WDR88: variants seen among roughly 807,000 people sequenced by gnomAD.
WDR88 encodes WD repeat domain 88.
A neutral mutation model predicts 46.8 loss-of-function variants in WDR88; 40 were observed. The ratio of observed to expected loss-of-function variants is 0.86; its 90% CI spans 0.66 to 1.11. The LOEUF (loss-of-function observed/expected upper bound fraction) is 1.11, where lower values mean the gene tolerates loss of function less well. Ranked by LOEUF, WDR88 falls within the 50% of genes most tolerant of loss-of-function variation. The pLI, the probability that WDR88 is intolerant of heterozygous loss-of-function variation, is 0.00. For missense variants in WDR88, 562 were observed against 602.4 expected, an observed-to-expected ratio of 0.93 and a Z score of 0.70; for synonymous variants, 235 against 240.7, an observed-to-expected ratio of 0.98 and a Z score of 0.22.
In WDR88 at chr19:33,146,550, C is replaced by A. The variant is rs543761967; in HGVS notation, c.477-1095C>A. 3.5e-4 allele frequency among the ~76,000 whole-genome samples: 53 copies of A among 151,674 alleles called. No individual in the cohort carries two copies. In the East Asian group the frequency reaches 7.8e-3, roughly 22 times the overall value. On this transcript the variant is annotated intron_variant, in intron 3 of 10. Coordinates refer to ENST00000355868, the MANE Select transcript of WDR88 (RefSeq NM_173479.4). ...CCTTCTTTCCTTTTTTTTGATGGAG[C>A]CTCTCCTGCCCACGCTGGAGCGCAG...
chr19:33,156,849 C>T (rs1037609615), intron 7 of WDR88, among the ~76,000 whole-genome samples: 1 of 152,136 alleles, frequency 6.6e-6, no homozygotes, highest in East Asian at 1.9e-4. Context: ...GAACCCAACC[C>T]TTCCACTCTG....
intron 7 of WDR88, among the ~76,000 whole-genome samples, chr19:33,157,308 C>CCAACATGAATCACTTAGGGGG (rs1346526606): frequency 6.6e-6 from 1 of 151,416 alleles, no homozygotes; most frequent in Non-Finnish European, 1.5e-5. Flanking sequence ...ATCAGCCTGG[C>CCAACATGAATCACTTAGGGGG]CAACATGGTG....
chr19:33,132,199 A>G lies in WDR88; in HGVS notation c.30A>G (p.Thr10=), dbSNP rs1177485284. The G allele has an allele frequency of 2.5e-6, 4 of 1,605,202 alleles. No homozygotes were observed. The highest frequency in any genetic ancestry group is 3.4e-6 in the Non-Finnish European group (4 of 1,178,156). The part of the protein sequence containing the change: MASPPRCSP[T]AHDRECKLPP... ...CCTCCCCGCCGCGGTGCTCCCCGAC[A>G]GCCCATGACAGGGAATGCAAGTTGC... Residue 10 remains threonine (T), a synonymous_variant, in exon 1 of 11, where the codon ACA becomes ACG. Transcript: ENST00000355868.
intron 3 of WDR88, among the ~76,000 whole-genome samples, chr19:33,145,915 G>A (rs1973502964): frequency 6.6e-6 from 1 of 152,090 alleles, no homozygotes; most frequent in South Asian, 2.1e-4. Flanking sequence ...ATGTTTTTTT[G>A]TACAAGAAAA....
chr19:33,171,591 G>A (rs1457307829), intron 9 of WDR88, among the ~76,000 whole-genome samples: 4 of 152,058 alleles, frequency 2.6e-5, no homozygotes, highest in Non-Finnish European at 5.9e-5. Flanking sequence ...ATATCTTACA[G>A]TACTGTAAGA....
At chr19:33,175,261 A>G in intron 10 of WDR88, 135 bp from the exon 11 acceptor site, 1 of 1,016,208 alleles carries the variant, frequency 9.8e-7, no homozygotes, top group Admixed American at 2.5e-5. Flanking sequence ...ACAAACAAAC[A>G]AACCAAAAAG....
intron 10 of WDR88, chr19:33,174,208 G>A (rs971044660): frequency 6.5e-7 from 1 of 1,536,404 alleles, no homozygotes; most frequent in African/African-American, 1.4e-5. Context: ...ACCTGAAGCT[G>A]AAGCAAGGAT....
At chr19:33,133,031 C>A (rs1973163323) in intron 1 of WDR88, among the ~76,000 whole-genome samples, 2 of 151,822 alleles carry the variant, frequency 1.3e-5, no homozygotes, top group Non-Finnish European at 2.9e-5. Flanking sequence ...ATGGGGCGCA[C>A]CTGTGGTCCC....
intron 7 of WDR88, among the ~76,000 whole-genome samples, chr19:33,156,851 T>C (rs1010865146): frequency 1.4e-4 from 22 of 152,318 alleles, no homozygotes; most frequent in African/African-American, 5.3e-4. Context: ...ACCCAACCCT[T>C]CCACTCTGTC....
chr19:33,166,451 A>C (rs2145418403), intron 9 of WDR88, among the ~76,000 whole-genome samples: 1 of 148,564 alleles, frequency 6.7e-6, no homozygotes, highest in Middle Eastern at 3.9e-3. Flanking sequence ...GCATAGTGAT[A>C]TGAGCCTATA....
intron 10 of WDR88, among the ~76,000 whole-genome samples, chr19:33,173,142 T>C (rs1974067835): frequency 8.8e-6 from 1 of 113,668 alleles, no homozygotes; most frequent in Middle Eastern, 5.7e-3. Flanking sequence ...CTTCCCAGCA[T>C]AGAGAACAGC....
chr19:33,162,459 C>T (rs534207952), intron 8 of WDR88, among the ~76,000 whole-genome samples: 3 of 151,864 alleles, frequency 2.0e-5, no homozygotes, highest in South Asian at 4.2e-4. Flanking sequence ...GTGATCTATC[C>T]GCCTCGGCCT....
In WDR88 at chr19:33,156,499, G is replaced by A. The variant is rs758389986; in HGVS notation, c.954G>A (p.Gln318=). 57 of 1,613,954 alleles carry A rather than the reference G, an allele frequency of 3.5e-5. No homozygotes were observed. Among genetic ancestry groups the A allele is most frequent in the Non-Finnish European group, 4.7e-5 (56 of 1,180,004 alleles). ...RNCGACVTLM[Q]GHEGSVSSCH... is the part of the protein sequence containing the mutation. ...GTGGAGCCTGTGTGACTCTGATGCA[G>A]GGCCATGAAGGTTCTGTCAGTTCCT... The change falls in exon 7 of 11, where the codon CAG becomes CAA. Residue 318 remains glutamine, a synonymous_variant. Transcript: ENST00000355868.
intron 9 of WDR88, among the ~76,000 whole-genome samples, chr19:33,168,053 A>G: frequency 7.4e-6 from 1 of 135,908 alleles, no homozygotes; most frequent in African/African-American, 2.8e-5. Context: ...TTTGAGATGG[A>G]GTCTTGCTCT....
Position 33,137,706 on chromosome 19 carries a change from G to A in WDR88, c.306G>A (p.Glu102=), listed in dbSNP as rs140302466. Reference sequence around the variant, plus strand: ...CATTTAAAATTCTGAGTGGGCACGAGCACGCTGTGAGCACCTGCCACTTCT... The same window carrying A: ...CATTTAAAATTCTGAGTGGGCACGAACACGCTGTGAGCACCTGCCACTTCT... ...KIPFKILSGH[E]HAVSTCHFCV... The change falls in exon 2 of 11, where the codon GAG becomes GAA. Residue 102 remains glutamate (E), a synonymous_variant. Transcript: ENST00000355868. 1 of 1,613,990 alleles carries A rather than the reference G, an allele frequency of 6.2e-7. No homozygotes were observed.
Position 33,175,745 on chromosome 19 carries a change from T to C in WDR88, c.*173T>C. ...AGTGCCACCTCCTCAGCTCTCAGCT[T>C]GGGGAGTGAACACTTTCCGTTTTCA... On this transcript the variant is annotated 3_prime_UTR_variant, in exon 11 of 11. Coordinates refer to ENST00000355868, the MANE Select transcript of WDR88 (RefSeq NM_173479.4). 1 of 659,692 alleles carries C rather than the reference T, an allele frequency of 1.5e-6. No individual in the cohort carries two copies. Among genetic ancestry groups the C allele is most frequent in the Admixed American group, 3.0e-5 (1 of 33,806 alleles). The allele number at this position is 659,692 out of a possible 1,614,324, so 40.9% of individuals were successfully genotyped here.
At chr19:33,153,640 G>A (rs553045747) in intron 6 of WDR88, among the ~76,000 whole-genome samples, 7 of 151,934 alleles carry the variant, frequency 4.6e-5, no homozygotes, top group Non-Finnish European at 7.4e-5. Context: ...GACTACAGGC[G>A]CCCGCCACCA....
intron 6 of WDR88, among the ~76,000 whole-genome samples, chr19:33,155,439 C>A (rs1973715864): frequency 6.6e-6 from 1 of 152,138 alleles, no homozygotes; most frequent in South Asian, 2.1e-4. Context: ...CTGCACCCAG[C>A]CAAATAACCC....
intron 8 of WDR88, among the ~76,000 whole-genome samples, chr19:33,163,979 G>GT (rs986081636): frequency 1.3e-5 from 2 of 149,926 alleles, no homozygotes. Flanking sequence ...ACTTTTTGTT[G>GT]TTTTTTTAGA....
Sources: gnomAD v4.1 joint callset for allele counts (sites outside exome capture counted in the v4.1 genomes callset) on GRCh38, gnomAD v4.1.1 for gene constraint, MANE v1.5 for transcripts, NCBI Gene and HGNC (gene_info 2026-07-23, HGNC 2026-07-21) for gene names.